Variants in RSPO2 observed in about 807,000 individuals in gnomAD.
RSPO2 encodes the protein R-spondin-2.
RSPO2 carries 14 observed loss-of-function variants against 30.9 expected under a neutral mutation model. That is an observed-to-expected ratio of 0.45 (90% CI 0.30 to 0.71). RSPO2 has a LOEUF of 0.71. Among genes scored for constraint, RSPO2 ranks in the 30% least tolerant of loss-of-function variants. RSPO2 has a pLI of 0.08. For missense variants in RSPO2, 264 were observed against 301.9 expected (o/e 0.87, Z 0.93); for synonymous variants, 107 against 96.4 (o/e 1.11, Z -0.64).
At chr8:107,935,438 T>C (rs1260737363) in intron 5 of RSPO2, among the ~76,000 whole-genome samples, 1 of 152,076 alleles carries the variant, frequency 6.6e-6, no homozygotes. Flanking sequence ...CCTGGGAGGA[T>C]TGTCAGGTAT....
At chr8:108,051,033 T>C (rs1437102722) in intron 2 of RSPO2, among the ~76,000 whole-genome samples, 1 of 152,064 alleles carries the variant, frequency 6.6e-6, no homozygotes, top group Non-Finnish European at 1.5e-5. Flanking sequence ...ATCAAAACCA[T>C]GTGTAAGGAT....
At chr8:107,925,292 C>T (rs1190093525) in intron 5 of RSPO2, among the ~76,000 whole-genome samples, 1 of 151,620 alleles carries the variant, frequency 6.6e-6, no homozygotes, top group Non-Finnish European at 1.5e-5. Flanking sequence ...ACCCCAAAAA[C>T]TATTGGAATA....
intron 5 of RSPO2, among the ~76,000 whole-genome samples, chr8:107,925,249 G>A (rs765877166): frequency 7.2e-5 from 11 of 151,754 alleles, no homozygotes; most frequent in South Asian, 2.1e-4. Context: ...ATCACCACTC[G>A]AGAACCCATC....
intron 2 of RSPO2, among the ~76,000 whole-genome samples, chr8:108,077,181 A>C (rs1054192718): frequency 2.6e-5 from 4 of 152,218 alleles, no homozygotes; most frequent in African/African-American, 9.7e-5. Flanking sequence ...ATTTCTTTAA[A>C]GAAAAGAAAA....
chr8:107,994,029 G>T (rs904620428), intron 2 of RSPO2, among the ~76,000 whole-genome samples: 5 of 152,046 alleles, frequency 3.3e-5, no homozygotes, highest in African/African-American at 1.2e-4. Flanking sequence ...TTTCCAGGAG[G>T]ATATGAGTTG....
chr8:108,039,557 T>A (rs1449685643), intron 2 of RSPO2, among the ~76,000 whole-genome samples: 1 of 152,088 alleles, frequency 6.6e-6, no homozygotes, highest in Non-Finnish European at 1.5e-5. Flanking sequence ...TAAATATATA[T>A]ATGAATTTAA....
intron 2 of RSPO2, among the ~76,000 whole-genome samples, chr8:108,076,761 A>G (rs962540306): frequency 2.6e-5 from 4 of 151,524 alleles, no homozygotes; most frequent in Non-Finnish European, 4.4e-5. Flanking sequence ...AGCTGAAAGA[A>G]AAAAAAAGAA....
intron 1 of RSPO2, 131 bp from the exon 2 acceptor site, chr8:108,082,938 C>G: frequency 5.6e-6 from 2 of 359,642 alleles, no homozygotes; most frequent in Non-Finnish European, 1.0e-5. Flanking sequence ...TAGCACGAGC[C>G]GCGGAGCGGC....
At position 107,921,715 on chromosome 8, in the gene RSPO2, T is replaced by C. The variant is rs550984832; in HGVS notation, c.617-20525A>G. Among the ~76,000 whole-genome samples the C allele has an allele frequency of 5.9e-5, 9 of 152,212 alleles. No homozygotes were observed. The South Asian group carries it at 6.2e-4, about 11-fold the overall frequency. On this transcript the variant is annotated intron_variant, in intron 5 of 5. Transcript: ENST00000276659. ...GATGCAAAAATCCTCAACAAAATAC[T>C]GGCAAACTGAATCCAAAGCATATCA...
Position 107,900,853 on chromosome 8 carries a change from T to A in RSPO2, c.*222A>T. ...TTCTCTCAGCACACACTGAGCCAAG[T>A]CACGGGCTGTGCACTTACTCCTGCC... On this transcript the variant is annotated 3_prime_UTR_variant, in exon 6 of 6. Transcript: ENST00000276659. 2.2e-6 allele frequency: 1 copy of A among 462,498 alleles called. No individual in the cohort carries two copies. The highest frequency in any genetic ancestry group is 3.8e-6 in the Non-Finnish European group (1 of 262,016). 28.6% of individuals were successfully genotyped at this position (462,498 alleles called of 1,614,324 possible).
At chr8:107,964,967 A>G (rs1404727593) in intron 3 of RSPO2, among the ~76,000 whole-genome samples, 2 of 152,192 alleles carry the variant, frequency 1.3e-5, no homozygotes, top group Non-Finnish European at 2.9e-5. Flanking sequence ...CTGTGTTAAC[A>G]GTTTCTTCCA....
intron 5 of RSPO2, among the ~76,000 whole-genome samples, chr8:107,918,739 G>A (rs771668058): frequency 9.2e-5 from 14 of 152,090 alleles, no homozygotes; most frequent in East Asian, 1.9e-4. Flanking sequence ...AATTATTCTC[G>A]CTGCACTTTA....
At chr8:108,006,629 A>C (rs186211247) in intron 2 of RSPO2, among the ~76,000 whole-genome samples, 1 of 152,174 alleles carries the variant, frequency 6.6e-6, no homozygotes, top group Admixed American at 6.5e-5. Context: ...GAGGAATTCA[A>C]GAAGAAAGAA....
At chr8:107,926,711 C>A (rs567958402) in intron 5 of RSPO2, among the ~76,000 whole-genome samples, 4 of 151,974 alleles carry the variant, frequency 2.6e-5, no homozygotes, top group Non-Finnish European at 5.9e-5. Context: ...GTTGTAGATA[C>A]GTGGTATTAG....
At chr8:108,063,817 G>C (rs898819361) in intron 2 of RSPO2, among the ~76,000 whole-genome samples, 4 of 152,124 alleles carry the variant, frequency 2.6e-5, no homozygotes, top group African/African-American at 9.7e-5. Flanking sequence ...CATGGTACTG[G>C]TATCAAAACA....
At chr8:108,017,754 A>C (rs1251842897) in intron 2 of RSPO2, among the ~76,000 whole-genome samples, 1 of 152,204 alleles carries the variant, frequency 6.6e-6, no homozygotes, top group Non-Finnish European at 1.5e-5. Flanking sequence ...TTTCATTTTA[A>C]TATTAGTAAT....
intron 5 of RSPO2, among the ~76,000 whole-genome samples, chr8:107,941,604 T>C (rs1355221952): frequency 3.9e-5 from 6 of 152,128 alleles, no homozygotes; most frequent in Non-Finnish European, 7.4e-5. Flanking sequence ...TAAAATAAAA[T>C]GAAATTTGTA....
intron 5 of RSPO2, among the ~76,000 whole-genome samples, chr8:107,928,284 T>C (rs111918933): frequency 0.021 from 3,223 of 152,230 alleles, 63 homozygotes; most frequent in Non-Finnish European, 0.025. Context: ...TTTACCCTTT[T>C]AAAAAATACA....
At chr8:107,906,737 G>C (rs1811661214) in intron 5 of RSPO2, among the ~76,000 whole-genome samples, 1 of 151,914 alleles carries the variant, frequency 6.6e-6, no homozygotes, top group Non-Finnish European at 1.5e-5. Flanking sequence ...TGTAGCCTAA[G>C]ATAAAAATCT....
Sources: gnomAD v4.1 joint callset for allele counts (sites outside exome capture counted in the v4.1 genomes callset) on GRCh38, gnomAD v4.1.1 for gene constraint, MANE v1.5 for transcripts, NCBI Gene and HGNC (gene_info 2026-07-23, HGNC 2026-07-21) for gene names.